BARD1: variants seen among roughly 807,000 people sequenced by gnomAD.
The protein encoded by BARD1 is BRCA1 associated RING domain 1.
In BARD1, 73 loss-of-function variants were observed where a neutral mutation model predicts 77.0. That is an observed-to-expected ratio of 0.95 (90% CI 0.79 to 1.15). The LOEUF (loss-of-function observed/expected upper bound fraction) is 1.15, where lower values mean the gene tolerates loss of function less well. Ranked by LOEUF, BARD1 falls within the 50% of genes most tolerant of loss-of-function variation. The pLI, the probability that BARD1 is intolerant of heterozygous loss-of-function variation, is 0.00. For synonymous variants in BARD1, 384 were observed against 338.0 expected, an observed-to-expected ratio of 1.14 and a Z score of -1.49; for missense variants, 993 against 938.8, an observed-to-expected ratio of 1.06 and a Z score of -0.75.
intron 4 of BARD1, among the ~76,000 whole-genome samples, chr2:214,770,151 T>C (rs554261401): frequency 1.1e-3 from 170 of 152,202 alleles, no homozygotes; most frequent in Non-Finnish European, 1.5e-3. Context: ...CTGTTTAAAA[T>C]GGCAAAAAAA....
intron 3 of BARD1, among the ~76,000 whole-genome samples, chr2:214,785,393 C>T (rs1015171718): frequency 2.0e-5 from 3 of 151,834 alleles, no homozygotes; most frequent in Non-Finnish European, 2.9e-5. Flanking sequence ...CCTTAAAATT[C>T]TCTCCCACCC....
At chr2:214,755,839 C>G (rs1693669635) in intron 6 of BARD1, among the ~76,000 whole-genome samples, 2 of 152,140 alleles carry the variant, frequency 1.3e-5, no homozygotes, top group Non-Finnish European at 2.9e-5. Flanking sequence ...CATGTGTCTA[C>G]TAGCTAAATG....
At chr2:214,799,901 A>G (rs1421113416) in intron 1 of BARD1, among the ~76,000 whole-genome samples, 1 of 151,980 alleles carries the variant, frequency 6.6e-6, no homozygotes, top group East Asian at 1.9e-4. Context: ...CTCTCTGACC[A>G]CTCTGGGAAA....
intron 4 of BARD1, among the ~76,000 whole-genome samples, chr2:214,771,081 G>A (rs1313626306): frequency 6.6e-6 from 1 of 152,150 alleles, no homozygotes; most frequent in Non-Finnish European, 1.5e-5. Context: ...TTATGCAGCG[G>A]GATGAAGGTA....
rs971279328 is a variant in BARD1, at chr2:214,728,315, A to G, written c.*361T>C. The G allele has an allele frequency of 1.7e-5, 4 of 235,392 alleles. No individual in the cohort carries two copies. Among genetic ancestry groups the G allele is most frequent in the Non-Finnish European group, 3.3e-5 (4 of 121,648 alleles). The allele number at this position is 235,392 out of a possible 1,614,324, so 14.6% of individuals were successfully genotyped here. On this transcript the variant is annotated 3_prime_UTR_variant, in exon 11 of 11. Transcript: ENST00000260947. ...AAAAAAAAAAAAGGCAAGTTTTTTC[A>G]CTGGTGGCAGGTATGGAGAATATTA...
chr2:214,809,042 G>A (rs943781707), intron 1 of BARD1, among the ~76,000 whole-genome samples: 3 of 152,216 alleles, frequency 2.0e-5, no homozygotes, highest in Admixed American at 6.5e-5. Flanking sequence ...AAGCAGCGGG[G>A]TAATCCAGGG....
At chr2:214,798,743 C>A (rs989581301) in intron 1 of BARD1, among the ~76,000 whole-genome samples, 4 of 145,482 alleles carry the variant, frequency 2.7e-5, no homozygotes, top group Non-Finnish European at 6.0e-5. Context: ...CCTGCCCACT[C>A]AGGCTGCGAA....
intron 1 of BARD1, 53 bp downstream of exon 1, chr2:214,809,359 G>A: frequency 6.2e-7 from 1 of 1,606,154 alleles, no homozygotes; most frequent in Non-Finnish European, 8.5e-7. Flanking sequence ...GCCGCCCCCA[G>A]AAACTGTGCG....
intron 4 of BARD1, among the ~76,000 whole-genome samples, chr2:214,777,551 G>GA (rs138611167): frequency 0.053 from 8,032 of 152,214 alleles, 233 homozygotes; most frequent in Admixed American, 0.083. Context: ...AACAACTTTA[G>GA]GCCACTTGAA....
At chr2:214,793,100 A>G (rs975841600) in intron 2 of BARD1, among the ~76,000 whole-genome samples, 1 of 152,170 alleles carries the variant, frequency 6.6e-6, no homozygotes, top group Non-Finnish European at 1.5e-5. Context: ...TAAGAATTCT[A>G]TAAATCTCCT....
At chr2:214,780,335 T>C (rs1694924024) in intron 4 of BARD1, among the ~76,000 whole-genome samples, 1 of 152,126 alleles carries the variant, frequency 6.6e-6, no homozygotes, top group South Asian at 2.1e-4. Context: ...AATATTCAAA[T>C]ATTGGTTTTC....
intron 6 of BARD1, among the ~76,000 whole-genome samples, chr2:214,756,828 G>GA (rs1248828120): frequency 6.6e-6 from 1 of 152,110 alleles, no homozygotes; most frequent in Admixed American, 6.6e-5. Flanking sequence ...GACTCAAGGG[G>GA]AAAAGGTGGG....
At chr2:214,751,109 GTGTGTGTGTA>G (rs59117098) in intron 7 of BARD1, among the ~76,000 whole-genome samples, 22 of 10,248 alleles carry the variant, frequency 2.1e-3, no homozygotes, top group African/African-American at 3.8e-3. Context: ...GTGTGTGTGT[GTGTGTGTGTA>G]TATATATATA....
chr2:214,750,812 GA>G (rs1250938709), intron 7 of BARD1, among the ~76,000 whole-genome samples: 1 of 152,042 alleles, frequency 6.6e-6, no homozygotes, highest in Non-Finnish European at 1.5e-5. Context: ...ACCATTAAAG[GA>G]AACTTCTTAG....
intron 7 of BARD1, among the ~76,000 whole-genome samples, chr2:214,746,945 C>G (rs1693149964): frequency 6.6e-6 from 1 of 151,988 alleles, no homozygotes; most frequent in Non-Finnish European, 1.5e-5. Context: ...AAAATTTTTG[C>G]AACCTACTCA....
rs370685406 is a variant in BARD1 at position 214,773,779 on chromosome 2, GAC to G, written c.1315-4469_1315-4468del. On this transcript the variant is annotated intron_variant, in intron 4 of 10. Transcript: ENST00000260947. ...AGTTGCTGAAGGTTTGGGTGGTTGT[GAC>G]AGTTTCTTAAATCAGGACAATGAAG... Among the ~76,000 whole-genome samples, 462 of 152,276 alleles carry G rather than the reference GAC, an allele frequency of 3.0e-3. 2 individuals are homozygous for G. The highest frequency in any genetic ancestry group is 0.011 in the African/African-American group (439 of 41,546).
chr2:214,759,547 C>CA (rs938466883), intron 6 of BARD1, among the ~76,000 whole-genome samples: 48 of 147,244 alleles, frequency 3.3e-4, no homozygotes, highest in Non-Finnish European at 5.8e-4. Context: ...TTTTTTTATG[C>CA]AAAAAAAAAT....
In BARD1 at chr2:214,728,617, A is replaced by G. The variant is rs1374585805; in HGVS notation, c.*59T>C. The stretch of plus-strand genomic sequence containing the variant: ...AAATGTGAACATTAAAAACAGTACA[A>G]TGACTGGGCTCTCACAAACCGTGCA... On this transcript the variant is annotated 3_prime_UTR_variant, in exon 11 of 11. Transcript: ENST00000260947. 1 of 1,529,564 alleles carries G rather than the reference A, an allele frequency of 6.5e-7. No homozygotes were observed. Among genetic ancestry groups the G allele is most frequent in the Non-Finnish European group, 9.0e-7 (1 of 1,108,994 alleles). The allele number at this position is 1,529,564 out of a possible 1,614,324, so 94.7% of individuals were successfully genotyped here. A position where few individuals can be genotyped will look rare whatever the true frequency, so the allele number is the denominator to read the frequency against.
rs753630023 is a variant in BARD1 at position 214,809,455 on chromosome 2, C to A, written c.115G>T (p.Ala39Ser). The A allele has an allele frequency of 6.2e-7, 1 of 1,611,324 alleles. No individual in the cohort carries two copies. Among genetic ancestry groups the A allele is most frequent in the African/African-American group, 1.3e-5 (1 of 74,916 alleles). ...AGCTTCTCCAGGCGGTCGAGCGCGG[C>A]GCGACTGTGGGCCCAGGCACCGCGA... is the stretch of plus-strand genomic sequence containing the variant. ...DGRGAWAHSR[A>S]ALDRLEKLLR... The change falls in exon 1 of 11, where the codon GCC (alanine) becomes TCC (serine). Residue 39 changes from alanine (A) to serine (S), a missense_variant. By Grantham distance (99) the Ala-to-Ser change is moderately conservative. Transcript: ENST00000260947.
Sources: gnomAD v4.1 joint callset for allele counts (sites outside exome capture counted in the v4.1 genomes callset) on GRCh38, gnomAD v4.1.1 for gene constraint, MANE v1.5 for transcripts, NCBI Gene and HGNC (gene_info 2026-07-23, HGNC 2026-07-21) for gene names.